PRKCA: variants seen among roughly 807,000 people sequenced by gnomAD.
PRKCA encodes protein kinase C alpha.
Under a neutral mutation model 87.0 loss-of-function variants are expected in PRKCA, and 27 were observed. The observed-to-expected ratio is 0.31, with a 90% CI of 0.23 to 0.43. PRKCA has a LOEUF of 0.43. PRKCA is among the 20% of genes least tolerant of loss of function. PRKCA has a pLI of 1.00. For synonymous variants in PRKCA, 329 were observed against 311.1 expected, an observed-to-expected ratio of 1.06 and a Z score of -0.61; for missense variants, 518 against 852.3, an observed-to-expected ratio of 0.61 and a Z score of 4.88.
At chr17:66,610,049 GC>G (rs1451038434) in intron 3 of PRKCA, among the ~76,000 whole-genome samples, 1 of 152,002 alleles carries the variant, frequency 6.6e-6, no homozygotes, top group Non-Finnish European at 1.5e-5. Flanking sequence ...CCACAACACT[GC>G]CCCCCACCAT....
chr17:66,691,822 G>C lies in PRKCA; in HGVS notation c.918+2775G>C, dbSNP rs954767939. On this transcript the variant is annotated intron_variant, in intron 8 of 16. Coordinates refer to ENST00000413366, the MANE Select transcript of PRKCA (RefSeq NM_002737.3). Reference sequence around the variant, plus strand: ...GGAACAGCACGGGCGTTCCCCACAGGGTTCCTCACAGTAATGTCTGAGACT... The same window carrying C: ...GGAACAGCACGGGCGTTCCCCACAGCGTTCCTCACAGTAATGTCTGAGACT... 7.2e-5 allele frequency among the ~76,000 whole-genome samples: 11 copies of C among 152,320 alleles called. No homozygotes were observed. The East Asian group carries it at 1.9e-3, about 27-fold the overall frequency.
chr17:66,702,229 T>C (rs767493992), intron 8 of PRKCA, among the ~76,000 whole-genome samples: 4 of 152,106 alleles, frequency 2.6e-5, no homozygotes, highest in African/African-American at 7.2e-5. Context: ...TGTATATGTA[T>C]ATATAATTGA....
chr17:66,495,525 GTATTT>G lies in PRKCA; in HGVS notation c.206-639_206-635del, dbSNP rs56718851. On this transcript the variant is annotated intron_variant, in intron 2 of 16. Coordinates refer to ENST00000413366, the MANE Select transcript of PRKCA (RefSeq NM_002737.3). ...GTGTGTTGCTATAGGATGGTGCAAAGTATTTTATTTTATTTTATTTTATTTTATTT... is the reference window on the plus strand; with the variant it reads ...GTGTGTTGCTATAGGATGGTGCAAAGTATTTTATTTTATTTTATTTTATTT... 1.2e-3 allele frequency among the ~76,000 whole-genome samples: 171 copies of G among 137,340 alleles called. 1 individual carries two copies. Among genetic ancestry groups the G allele is most frequent in the African/African-American group, 2.7e-3 (94 of 34,944 alleles). 90.1% of individuals were successfully genotyped at this position (137,340 alleles called of 152,430 possible). A position where few individuals can be genotyped will look rare whatever the true frequency, so the allele number is the denominator to read the frequency against.
At chr17:66,319,549 A>G (rs1048681926) in intron 2 of PRKCA, among the ~76,000 whole-genome samples, 1 of 151,920 alleles carries the variant, frequency 6.6e-6, no homozygotes, top group Admixed American at 6.6e-5. Context: ...ACTTTTTCTT[A>G]TATGGAGACT....
At chr17:66,468,751 A>G (rs1915196503) in intron 2 of PRKCA, among the ~76,000 whole-genome samples, 2 of 152,186 alleles carry the variant, frequency 1.3e-5, no homozygotes, top group South Asian at 4.1e-4. Flanking sequence ...GAGAGCTAAC[A>G]TGAATGAAAC....
intron 2 of PRKCA, among the ~76,000 whole-genome samples, chr17:66,390,599 C>G (rs985297847): frequency 1.3e-5 from 2 of 152,172 alleles, no homozygotes; most frequent in African/African-American, 4.8e-5. Context: ...GAGTTCCCCT[C>G]TGATTATCAA....
intron 3 of PRKCA, among the ~76,000 whole-genome samples, chr17:66,628,133 C>T (rs568610459): frequency 2.7e-4 from 41 of 151,862 alleles, no homozygotes; most frequent in African/African-American, 9.7e-4. Flanking sequence ...AAGCGTCCAG[C>T]ACAACCACAA....
At chr17:66,587,769 GTATATGTGTGTATATGTATACATATA>G (rs1969651265) in intron 3 of PRKCA, among the ~76,000 whole-genome samples, 1 of 69,570 alleles carries the variant, frequency 1.4e-5, no homozygotes. Flanking sequence ...ACATATATAC[GTATATGTGTGTATATGTATACATATA>G]TACGTATATG....
intron 3 of PRKCA, among the ~76,000 whole-genome samples, chr17:66,518,046 A>C (rs536728664): frequency 6.6e-6 from 1 of 152,146 alleles, no homozygotes; most frequent in African/African-American, 2.4e-5. Flanking sequence ...CTTACCTCCC[A>C]GTAGCTGAGA....
At chr17:66,451,150 G>A (rs986371903) in intron 2 of PRKCA, among the ~76,000 whole-genome samples, 2 of 152,108 alleles carry the variant, frequency 1.3e-5, no homozygotes, top group African/African-American at 4.8e-5. Flanking sequence ...ATGAAATTTA[G>A]GAAATTAGAC....
chr17:66,321,636 T>C (rs952729987), intron 2 of PRKCA, among the ~76,000 whole-genome samples: 5 of 152,282 alleles, frequency 3.3e-5, no homozygotes, highest in African/African-American at 1.2e-4. Flanking sequence ...CTCTGCCTCC[T>C]GGGTTCAAGC....
intron 3 of PRKCA, among the ~76,000 whole-genome samples, chr17:66,543,385 A>C (rs1968051054): frequency 6.6e-6 from 1 of 152,310 alleles, no homozygotes; most frequent in African/African-American, 2.4e-5. Context: ...AGATACTGTA[A>C]GATACTAAAA....
intron 8 of PRKCA, among the ~76,000 whole-genome samples, chr17:66,695,473 A>G (rs561613120): frequency 6.6e-6 from 1 of 152,348 alleles, no homozygotes; most frequent in Admixed American, 6.5e-5. Flanking sequence ...TGCTGTTAAC[A>G]GTTAATGGAG....
chr17:66,738,784 G>A lies in PRKCA; in HGVS notation c.1251G>A (p.Met417Ile). 1 of 1,613,594 alleles carries A rather than the reference G, an allele frequency of 6.2e-7. No homozygotes were observed. The highest frequency in any genetic ancestry group is 1.1e-5 in the South Asian group (1 of 90,940). Reference protein sequence around the residue: ...FQTVDRLYFVMEYVNGGDLMY... With the variant: ...FQTVDRLYFVIEYVNGGDLMY... ...TGCAGGATCGGCTGTACTTCGTCAT[G>A]GAATATGTCAACGGTGGGGACCTCA... Residue 417 changes from methionine (M) to isoleucine (I), a missense_variant, in exon 11 of 17, where the codon ATG becomes ATA. Around this residue, in one of 5 missense-constraint regions of PRKCA, gnomAD observed 300 missense variants for 496.8 expected, o/e 0.60. Transcript: ENST00000413366.
intron 13 of PRKCA, among the ~76,000 whole-genome samples, chr17:66,760,887 G>T (rs945257412): frequency 6.6e-6 from 1 of 152,132 alleles, no homozygotes; most frequent in African/African-American, 2.4e-5. Flanking sequence ...GCTTTCATTT[G>T]ATCCTCTTCT....
At chr17:66,641,141 A>G (rs1971285197) in intron 3 of PRKCA, among the ~76,000 whole-genome samples, 1 of 150,762 alleles carries the variant, frequency 6.6e-6, no homozygotes, top group Admixed American at 6.6e-5. Context: ...CTGGGCGACG[A>G]GCAAGACTCT....
intron 3 of PRKCA, among the ~76,000 whole-genome samples, chr17:66,528,448 G>A (rs1197980157): frequency 6.6e-6 from 1 of 152,070 alleles, no homozygotes; most frequent in Non-Finnish European, 1.5e-5. Context: ...GGGTTATCTG[G>A]GTAGGCCCAG....
At chr17:66,615,944 G>A (rs1274929663) in intron 3 of PRKCA, among the ~76,000 whole-genome samples, 1 of 152,190 alleles carries the variant, frequency 6.6e-6, no homozygotes, top group East Asian at 1.9e-4. Flanking sequence ...CTTGGAATTG[G>A]AACATTCATT....
At chr17:66,558,854 AG>A (rs1453434882) in intron 3 of PRKCA, among the ~76,000 whole-genome samples, 6 of 152,122 alleles carry the variant, frequency 3.9e-5, no homozygotes, top group Non-Finnish European at 7.3e-5. Flanking sequence ...CATGGACCTG[AG>A]GGGTAATCTG....
Sources: gnomAD v4.1 joint callset for allele counts (sites outside exome capture counted in the v4.1 genomes callset) on GRCh38, gnomAD v4.1.1 for gene constraint, gnomAD v4.1.1 regional missense constraint, MANE v1.5 for transcripts, NCBI Gene and HGNC (gene_info 2026-07-23, HGNC 2026-07-21) for gene names.